BID: variants seen among roughly 807,000 people sequenced by gnomAD.
The protein encoded by BID is BH3 interacting domain death agonist.
Under a neutral mutation model 17.4 loss-of-function variants are expected in BID, and 19 were observed. The observed-to-expected ratio is 1.09, with a 90% CI of 0.76 to 1.60. The LOEUF (loss-of-function observed/expected upper bound fraction) is 1.60. Among genes scored for constraint, BID ranks in the 40% most tolerant of loss-of-function variants. The pLI is 0.00. For synonymous variants in BID, 108 were observed against 102.8 expected (o/e 1.05, Z -0.31); for missense variants, 226 against 256.0 (o/e 0.88, Z 0.80).
chr22:17,760,451 C>CA (rs55817445), intron 1 of BID, among the ~76,000 whole-genome samples: 593 of 30,560 alleles, frequency 0.019, 30 homozygotes, highest in Non-Finnish European at 0.023. Flanking sequence ...GACTCTGTCT[C>CA]AAAAAAAAAA....
chr22:17,741,294 G>T (rs1483498926), intron 3 of BID: 2 of 152,166 alleles, frequency 1.3e-5, no homozygotes, highest in Non-Finnish European at 2.9e-5. Context: ...TGCTCTGGGG[G>T]TTTCACGGCC....
intron 3 of BID, chr22:17,740,022 C>T (rs1326672662): frequency 6.5e-7 from 1 of 1,542,146 alleles, no homozygotes; most frequent in Admixed American, 1.8e-5. Context: ...GAGCTCTCCC[C>T]CTTGCCCCTC....
At chr22:17,763,852 TTTTAAACAC>T (rs2061659683) in intron 1 of BID, among the ~76,000 whole-genome samples, 1 of 151,932 alleles carries the variant, frequency 6.6e-6, no homozygotes, top group African/African-American at 2.4e-5. Flanking sequence ...TGCTTACTCT[TTTTAAACAC>T]TGACATTTAC....
At chr22:17,750,624 C>G (rs1161794120) in intron 1 of BID, among the ~76,000 whole-genome samples, 1 of 152,016 alleles carries the variant, frequency 6.6e-6, no homozygotes. Flanking sequence ...GTCAGGAGAT[C>G]GAGACCACCC....
chr22:17,768,452 G>A (rs776913975), intron 1 of BID, among the ~76,000 whole-genome samples: 3 of 152,310 alleles, frequency 2.0e-5, no homozygotes, highest in Non-Finnish European at 4.4e-5. Flanking sequence ...CCAGGCCCTG[G>A]GCTTCTGGGT....
At chr22:17,747,512 GGC>G (rs2061502330) in intron 2 of BID, among the ~76,000 whole-genome samples, 1 of 151,822 alleles carries the variant, frequency 6.6e-6, no homozygotes, top group Non-Finnish European at 1.5e-5. Flanking sequence ...GTAAAGATGG[GGC>G]TTCACCATGT....
At chr22:17,772,806 T>A (rs8190277) in intron 1 of BID, among the ~76,000 whole-genome samples, 1,731 of 152,204 alleles carry the variant, frequency 0.011, 27 homozygotes, top group African/African-American at 0.04. Flanking sequence ...GAGCTGGGCA[T>A]GCGACACCCC....
intron 5 of BID, among the ~76,000 whole-genome samples, chr22:17,737,810 G>A (rs763218003): frequency 2.3e-4 from 35 of 152,158 alleles, no homozygotes; most frequent in Non-Finnish European, 3.7e-4. Context: ...CCAATAGTAA[G>A]CTGCTAAAGC....
intron 1 of BID, among the ~76,000 whole-genome samples, chr22:17,762,394 G>A (rs1033715021): frequency 6.6e-6 from 1 of 152,078 alleles, no homozygotes; most frequent in African/African-American, 2.4e-5. Context: ...TACTCGGGAG[G>A]CTGAGGCAGA....
chr22:17,748,532 G>C (rs369608593), intron 2 of BID, among the ~76,000 whole-genome samples: 17 of 152,036 alleles, frequency 1.1e-4, no homozygotes, highest in African/African-American at 2.7e-4. Flanking sequence ...ATAAAAAATA[G>C]AAGTATCTAC....
At chr22:17,735,738 T>A in intron 5 of BID, 147 bp from the exon 6 acceptor site, 1 of 972,466 alleles carries the variant, frequency 1.0e-6, no homozygotes. Flanking sequence ...GCATCCTACT[T>A]TTTGCTACAT....
chr22:17,739,660 C>T (rs1348592337), intron 3 of BID, 172 bp from the exon 4 acceptor site: 6 of 878,802 alleles, frequency 6.8e-6, no homozygotes, highest in Non-Finnish European at 6.8e-6. Context: ...TGAGTACCAG[C>T]GCTGAGCTGG....
At position 17,739,409 on chromosome 22, in the gene BID, G is replaced by A. The variant is rs749273686; in HGVS notation, c.303C>T (p.Ile101=). Residue 101 remains isoleucine, a synonymous_variant, in exon 4 of 6, where the codon ATC becomes ATT. Transcript: ENST00000622694. The part of the protein sequence containing the change: ...AQVGDSMDRS[I]PPGLVNGLAL... ...CCAGGCCGTTCACCAGGCCCGGAGG[G>A]ATGCTACGGTCCATGCTGTCCCCGA... 4.3e-6 allele frequency: 7 copies of A among 1,611,334 alleles called. No homozygotes were observed. The South Asian group carries it at 6.6e-5, about 15-fold the overall frequency.
chr22:17,750,260 T>C, intron 1 of BID, 86 bp from the exon 2 acceptor site: 1 of 1,190,830 alleles, frequency 8.4e-7, no homozygotes, highest in Non-Finnish European at 1.2e-6. Flanking sequence ...TGGCCTGTGC[T>C]CCAGAAATGG....
chr22:17,743,569 G>A (rs937009679), intron 3 of BID, among the ~76,000 whole-genome samples: 3 of 152,230 alleles, frequency 2.0e-5, no homozygotes, highest in Non-Finnish European at 4.4e-5. Context: ...TGTCTCAACA[G>A]AAAGGAAGAA....
At chr22:17,763,025 C>A (rs572670215) in intron 1 of BID, among the ~76,000 whole-genome samples, 2 of 151,556 alleles carry the variant, frequency 1.3e-5, no homozygotes, top group African/African-American at 4.9e-5. Flanking sequence ...TACAGGCATG[C>A]ACCACCTCAT....
chr22:17,761,997 G>T (rs2061642587), intron 1 of BID, among the ~76,000 whole-genome samples: 1 of 152,030 alleles, frequency 6.6e-6, no homozygotes, highest in African/African-American at 2.4e-5. Flanking sequence ...CCTTTTCAGA[G>T]AATCTGTGAG....
At position 17,772,701 on chromosome 22, in the gene BID, G is replaced by A. The variant is rs373412567; in HGVS notation, c.-59+1680C>T. 1.2e-4 allele frequency among the ~76,000 whole-genome samples: 19 copies of A among 152,244 alleles called. No individual in the cohort carries two copies. In the East Asian group the frequency reaches 2.9e-3, roughly 23 times the overall value. ...TGGGCACTGCTGGGGCTCCTGGGCAGACAGTTCCCCCTTGCAAATGAGTGG... is the reference window on the plus strand; with the variant it reads ...TGGGCACTGCTGGGGCTCCTGGGCAAACAGTTCCCCCTTGCAAATGAGTGG... On this transcript the variant is annotated intron_variant, in intron 1 of 5. Coordinates refer to ENST00000622694, the MANE Select transcript of BID (RefSeq NM_001196.4).
intron 1 of BID, among the ~76,000 whole-genome samples, chr22:17,750,602 G>A (rs1437831456): frequency 6.6e-6 from 1 of 152,240 alleles, no homozygotes; most frequent in Non-Finnish European, 1.5e-5. Context: ...GCCGAGGCGG[G>A]TGGATCATGA....
Sources: allele counts gnomAD v4.1 joint callset (sites outside exome capture counted in the v4.1 genomes callset), GRCh38; gene constraint gnomAD v4.1.1; transcripts MANE v1.5; gene names NCBI Gene and HGNC (gene_info 2026-07-23, HGNC 2026-07-21).